The following KCNK13 variants were observed in gnomAD, a reference collection of about 807,000 sequenced individuals.
KCNK13 encodes potassium two pore domain channel subfamily K member 13, also known as potassium channel subfamily K member 13.
A neutral mutation model predicts 23.4 loss-of-function variants in KCNK13; 12 were observed. The observed-to-expected ratio is 0.51, with a 90% CI of 0.33 to 0.83. The LOEUF is 0.83. Among genes scored for constraint, KCNK13 ranks in the 40% least tolerant of loss-of-function variants. KCNK13 has a pLI of 0.02. For synonymous variants in KCNK13, 231 were observed against 229.5 expected (o/e 1.01, Z -0.06); for missense variants, 463 against 556.3 (o/e 0.83, Z 1.69).
intron 1 of KCNK13, among the ~76,000 whole-genome samples, chr14:90,166,370 C>T (rs910106626): frequency 6.6e-6 from 1 of 152,192 alleles, no homozygotes; most frequent in South Asian, 2.1e-4. Context: ...TTTAAATCAG[C>T]CTGTAACATA....
chr14:90,081,128 A>G (rs1045358607), intron 1 of KCNK13, among the ~76,000 whole-genome samples: 4 of 152,248 alleles, frequency 2.6e-5, no homozygotes, highest in Admixed American at 1.3e-4. Context: ...GAATAAGTCC[A>G]GGTTTCAGAA....
chr14:90,142,938 G>A (rs1366814268), intron 1 of KCNK13, among the ~76,000 whole-genome samples: 1 of 152,138 alleles, frequency 6.6e-6, no homozygotes, highest in Non-Finnish European at 1.5e-5. Flanking sequence ...GCAAATTGTG[G>A]GAAGGTAAAT....
At chr14:90,125,365 A>C (rs901432293) in intron 1 of KCNK13, among the ~76,000 whole-genome samples, 1 of 151,724 alleles carries the variant, frequency 6.6e-6, no homozygotes, top group African/African-American at 2.4e-5. Context: ...CTGGGACTAC[A>C]GGCGCCCGCC....
intron 1 of KCNK13, among the ~76,000 whole-genome samples, chr14:90,067,729 A>T (rs552034916): frequency 3.3e-4 from 50 of 152,346 alleles, no homozygotes; most frequent in Non-Finnish European, 5.3e-4. Context: ...AACTTAAAGT[A>T]CTCAGAAAAG....
intron 1 of KCNK13, among the ~76,000 whole-genome samples, chr14:90,129,302 A>G (rs1889839636): frequency 6.6e-6 from 1 of 152,082 alleles, no homozygotes. Context: ...ATTGTGATCA[A>G]TGGCATAGTG....
chr14:90,070,913 T>C (rs1258329114), intron 1 of KCNK13, among the ~76,000 whole-genome samples: 1 of 152,140 alleles, frequency 6.6e-6, no homozygotes, highest in Non-Finnish European at 1.5e-5. Flanking sequence ...TAAAATTTCG[T>C]GGGGAAGCTC....
intron 1 of KCNK13, among the ~76,000 whole-genome samples, chr14:90,171,309 A>C (rs996746111): frequency 2.6e-5 from 4 of 152,220 alleles, no homozygotes; most frequent in Non-Finnish European, 5.9e-5. Context: ...CCAGTTTCAC[A>C]TCCCATTATT....
At chr14:90,133,036 G>T (rs1288160125) in intron 1 of KCNK13, among the ~76,000 whole-genome samples, 2 of 152,162 alleles carry the variant, frequency 1.3e-5, no homozygotes, top group African/African-American at 4.8e-5. Flanking sequence ...TGGACGACAG[G>T]ATCATTGTAG....
intron 1 of KCNK13, among the ~76,000 whole-genome samples, chr14:90,094,772 C>T (rs1380603291): frequency 1.3e-5 from 2 of 151,490 alleles, no homozygotes; most frequent in South Asian, 2.1e-4. Context: ...CTCAGCCTCC[C>T]GAGTAGCTGG....
At chr14:90,079,179 A>G (rs1292921643) in intron 1 of KCNK13, among the ~76,000 whole-genome samples, 4 of 152,038 alleles carry the variant, frequency 2.6e-5, no homozygotes, top group Non-Finnish European at 5.9e-5. Context: ...AGTAGGATGG[A>G]GGAAAGGGAG....
chr14:90,127,615 C>A (rs1323073039), intron 1 of KCNK13, among the ~76,000 whole-genome samples: 3 of 147,608 alleles, frequency 2.0e-5, no homozygotes, highest in African/African-American at 7.5e-5. Context: ...GAGTTTGAGA[C>A]CAGCCTGGGC....
At chr14:90,155,535 G>T (rs1163510526) in intron 1 of KCNK13, among the ~76,000 whole-genome samples, 1 of 152,198 alleles carries the variant, frequency 6.6e-6, no homozygotes, top group East Asian at 1.9e-4. Context: ...GACCATTCAG[G>T]AGACTCCTAC....
chr14:90,176,009 A>G (rs184202218), intron 1 of KCNK13, among the ~76,000 whole-genome samples: 127 of 152,240 alleles, frequency 8.3e-4, no homozygotes, highest in African/African-American at 3.0e-3. Flanking sequence ...CGCTCCCACC[A>G]TATTCTGCTG....
intron 1 of KCNK13, among the ~76,000 whole-genome samples, chr14:90,066,503 G>A (rs1889011323): frequency 2.0e-5 from 3 of 152,138 alleles, no homozygotes; most frequent in Non-Finnish European, 4.4e-5. Flanking sequence ...CTGGTCTCAA[G>A]TGATCCGCCC....
At chr14:90,095,838 C>T (rs918078097) in intron 1 of KCNK13, among the ~76,000 whole-genome samples, 5 of 152,182 alleles carry the variant, frequency 3.3e-5, no homozygotes, top group African/African-American at 1.2e-4. Flanking sequence ...ACCTGCCCCC[C>T]ACCTTCAGGT....
At chr14:90,083,592 G>A (rs1889238215) in intron 1 of KCNK13, among the ~76,000 whole-genome samples, 1 of 152,106 alleles carries the variant, frequency 6.6e-6, no homozygotes, top group Non-Finnish European at 1.5e-5. Flanking sequence ...CACTTGGATG[G>A]GATTAATTGT....
chr14:90,105,714 A>G (rs1444116314), intron 1 of KCNK13, among the ~76,000 whole-genome samples: 1 of 152,170 alleles, frequency 6.6e-6, no homozygotes. Context: ...TAAACAGACA[A>G]GGACAGGCAG....
At chr14:90,147,364 C>G (rs1332351649) in intron 1 of KCNK13, among the ~76,000 whole-genome samples, 2 of 152,178 alleles carry the variant, frequency 1.3e-5, no homozygotes, top group South Asian at 2.1e-4. Flanking sequence ...GCGATCCCCC[C>G]TCAGCCTCCT....
chr14:90,183,765 T>G (rs1442979120), intron 1 of KCNK13, among the ~76,000 whole-genome samples: 1 of 152,234 alleles, frequency 6.6e-6, no homozygotes, highest in Non-Finnish European at 1.5e-5. Context: ...TTGTTCAGGT[T>G]GTGGACTGTA....
Sources: allele counts gnomAD v4.1 joint callset (sites outside exome capture counted in the v4.1 genomes callset), GRCh38; gene constraint gnomAD v4.1.1; transcripts MANE v1.5; gene names NCBI Gene and HGNC (gene_info 2026-07-23, HGNC 2026-07-21).